The following NDC1 variants were observed in gnomAD, a reference collection of about 807,000 sequenced individuals.
The protein encoded by NDC1 is NDC1 transmembrane nucleoporin.
In NDC1, 24 loss-of-function variants were observed where a neutral mutation model predicts 89.8. That is an observed-to-expected ratio of 0.27 (90% CI 0.19 to 0.38). NDC1 has a LOEUF of 0.38. Ranked by LOEUF, NDC1 falls within the 10% of genes least tolerant of loss-of-function variation. NDC1 has a pLI of 1.00. For synonymous variants in NDC1, 296 were observed against 284.8 expected, an observed-to-expected ratio of 1.04 and a Z score of -0.39; for missense variants, 728 against 797.6, an observed-to-expected ratio of 0.91 and a Z score of 1.05.
Position 53,807,792 on chromosome 1 carries a change from C to T in NDC1, c.756-1G>A. On this transcript the variant is annotated splice_acceptor_variant, in intron 7 of 17. Transcript: ENST00000371429. LOFTEE classifies it high-confidence loss of function. The stretch of plus-strand genomic sequence containing the variant: ...TGTGTCAAGTGGCCTATGAACCTGC[C>T]TGTGAATGCAGAAATTACTATTAAT... 6.3e-7 allele frequency: 1 copy of T among 1,591,418 alleles called. No individual in the cohort carries two copies. Among genetic ancestry groups the T allele is most frequent in the Non-Finnish European group, 8.5e-7 (1 of 1,174,268 alleles).
intron 16 of NDC1, among the ~76,000 whole-genome samples, chr1:53,782,007 C>T (rs1393959741): frequency 6.6e-6 from 1 of 152,126 alleles, no homozygotes; most frequent in African/African-American, 2.4e-5. Context: ...AAGTCCCCAC[C>T]TCTACTCTAG....
intron 9 of NDC1, among the ~76,000 whole-genome samples, chr1:53,804,648 T>C (rs1648043189): frequency 6.6e-6 from 1 of 152,148 alleles, no homozygotes; most frequent in Non-Finnish European, 1.5e-5. Flanking sequence ...AACTGATTTC[T>C]GTATTTTTAG....
Position 53,825,934 on chromosome 1 carries a change from A to G in NDC1, c.458T>C (p.Phe153Ser). 6.2e-7 allele frequency: 1 copy of G among 1,611,018 alleles called. No individual in the cohort carries two copies. The highest frequency in any genetic ancestry group is 8.5e-7 in the Non-Finnish European group (1 of 1,179,020). ...GCAGGTTTGCGCAGCAGGGCTACCA[A>G]AGCTGAAGGGAAAAAATTAAGTTAT... ...LVVPCTGTNS[F>S]GSPAAQTCLN... The change falls in exon 5 of 18, where the codon TTT becomes TCT. Residue 153 changes from phenylalanine to serine, a missense_variant and splice_region_variant. By Grantham distance (155) the Phe-to-Ser change is radical (BLOSUM62 -2). Coordinates refer to ENST00000371429, the MANE Select transcript of NDC1 (RefSeq NM_018087.5).
intron 5 of NDC1, among the ~76,000 whole-genome samples, chr1:53,822,195 G>A (rs1287140615): frequency 1.3e-5 from 2 of 152,130 alleles, no homozygotes; most frequent in South Asian, 2.1e-4. Context: ...TTAGTTGGGC[G>A]TGGTAGCGCA....
At chr1:53,830,497 T>C (rs767776008) in intron 3 of NDC1, among the ~76,000 whole-genome samples, 4 of 152,048 alleles carry the variant, frequency 2.6e-5, no homozygotes, top group Middle Eastern at 3.2e-3. Context: ...GGATACGTAT[T>C]GTAACATCCA....
intron 1 of NDC1, 86 bp downstream of exon 1, chr1:53,838,119 T>TC (rs1649299588): frequency 1.5e-6 from 2 of 1,291,456 alleles, no homozygotes; most frequent in African/African-American, 1.5e-5. Context: ...GGACCGGCCC[T>TC]CCCCCGCCCA....
intron 10 of NDC1, among the ~76,000 whole-genome samples, chr1:53,801,881 C>G (rs1413832123): frequency 6.6e-6 from 1 of 152,114 alleles, no homozygotes; most frequent in African/African-American, 2.4e-5. Flanking sequence ...CTCAGCCTCC[C>G]GAGTAGCTGG....
rs370390569 is a variant in NDC1, at chr1:53,797,163, A to G, written c.1223-19T>C. ...GTTTCTTCTGTAAAACAACAGATCCAGTGCTGAAGAGGCAACCTGATCCAA... is the reference window on the plus strand; with the variant it reads ...GTTTCTTCTGTAAAACAACAGATCCGGTGCTGAAGAGGCAACCTGATCCAA... On this transcript the variant is annotated intron_variant, in intron 11 of 17. Transcript: ENST00000371429. 1 of 1,609,750 alleles carries G rather than the reference A, an allele frequency of 6.2e-7. No individual in the cohort carries two copies. The highest frequency in any genetic ancestry group is 8.5e-7 in the Non-Finnish European group (1 of 1,176,932).
Position 53,787,377 on chromosome 1 carries a change from G to A in NDC1, c.1700-119C>T, listed in dbSNP as rs1035499272. Reference sequence around the variant, plus strand: ...ATAAAAAGAAATAAAGGCTGGGCACGGTGGCTCACACCTGTAATCCTAGCA... The same window carrying A: ...ATAAAAAGAAATAAAGGCTGGGCACAGTGGCTCACACCTGTAATCCTAGCA... On this transcript the variant is annotated intron_variant, in intron 15 of 17. Coordinates refer to ENST00000371429, the MANE Select transcript of NDC1 (RefSeq NM_018087.5). 65 of 613,628 alleles carry A rather than the reference G, an allele frequency of 1.1e-4. No homozygotes were observed. In the Admixed American group the frequency reaches 1.3e-3, roughly 12 times the overall value. The allele number at this position is 613,628 out of a possible 1,614,324, so 38.0% of individuals were successfully genotyped here.
chr1:53,826,417 G>T (rs941859230), intron 4 of NDC1, among the ~76,000 whole-genome samples: 4 of 152,138 alleles, frequency 2.6e-5, no homozygotes, highest in African/African-American at 9.7e-5. Flanking sequence ...GTCCGATACC[G>T]ATTTTTTTTC....
intron 16 of NDC1, 110 bp from the exon 17 acceptor site, chr1:53,772,599 G>A (rs1647124725): frequency 2.1e-6 from 2 of 965,336 alleles, no homozygotes; most frequent in Non-Finnish European, 3.1e-6. Context: ...CGAGGCGGGA[G>A]GACTGCTTGA....
intron 16 of NDC1, among the ~76,000 whole-genome samples, chr1:53,779,118 G>A (rs971391287): frequency 2.4e-4 from 14 of 59,150 alleles, no homozygotes; most frequent in Middle Eastern, 0.015. Context: ...AGACTCTGTC[G>A]CAAAAAAAAA....
chr1:53,787,335 G>A, intron 15 of NDC1, 77 bp from the exon 16 acceptor site: 1 of 813,738 alleles, frequency 1.2e-6, no homozygotes, highest in Non-Finnish European at 2.0e-6. Context: ...ATTTTAGGAA[G>A]GATTAATATT....
At chr1:53,804,254 G>C (rs1175327975) in intron 9 of NDC1, among the ~76,000 whole-genome samples, 1 of 152,032 alleles carries the variant, frequency 6.6e-6, no homozygotes, top group Non-Finnish European at 1.5e-5. Flanking sequence ...ATATATCTGC[G>C]GTGGGAAATT....
intron 1 of NDC1, among the ~76,000 whole-genome samples, chr1:53,835,918 G>T (rs1649217602): frequency 6.6e-6 from 1 of 152,080 alleles, no homozygotes; most frequent in Admixed American, 6.6e-5. Context: ...AGGCTTAATT[G>T]ATAGCTATAT....
At chr1:53,832,163 A>T (rs1018147134) in intron 3 of NDC1, among the ~76,000 whole-genome samples, 5 of 152,014 alleles carry the variant, frequency 3.3e-5, no homozygotes, top group African/African-American at 1.2e-4. Flanking sequence ...CATCTTCCAC[A>T]ACTCTACCCA....
chr1:53,788,708 T>G (rs1262717018), intron 15 of NDC1, among the ~76,000 whole-genome samples: 1 of 151,794 alleles, frequency 6.6e-6, no homozygotes, highest in East Asian at 2.0e-4. Flanking sequence ...ATTACAGGCG[T>G]GAGCCACCGC....
At position 53,800,838 on chromosome 1, in the gene NDC1, G is replaced by A; in HGVS notation, c.1077C>T (p.Pro359=). ...VFSLSQPGGH[P]HNWTAISREC... Reference sequence around the variant, plus strand: ...CCCTTGAAATGGCTGTCCAATTGTGGGGATGTCCACCTAGGAGGTCCAAAC... The same window carrying A: ...CCCTTGAAATGGCTGTCCAATTGTGAGGATGTCCACCTAGGAGGTCCAAAC... Residue 359 remains proline (P), a synonymous_variant, in exon 11 of 18, where the codon CCC becomes CCT. Transcript: ENST00000371429. 2 of 1,597,638 alleles carry A rather than the reference G, an allele frequency of 1.3e-6. No homozygotes were observed.
chr1:53,795,760 T>C (rs572295799), intron 13 of NDC1, among the ~76,000 whole-genome samples: 15 of 152,188 alleles, frequency 9.9e-5, no homozygotes, highest in Non-Finnish European at 1.6e-4. Context: ...TCTCTGGGCT[T>C]ACATGCCTAC....
Sources: allele counts gnomAD v4.1 joint callset (sites outside exome capture counted in the v4.1 genomes callset), GRCh38; gene constraint gnomAD v4.1.1; transcripts MANE v1.5; gene names NCBI Gene and HGNC (gene_info 2026-07-23, HGNC 2026-07-21).